Variants in KPNA7 observed in about 807,000 individuals in gnomAD.
KPNA7 encodes the protein importin subunit alpha-8.
Under a neutral mutation model 53.7 loss-of-function variants are expected in KPNA7, and 54 were observed. That is an observed-to-expected ratio of 1.01 (90% confidence interval 0.81 to 1.26). The LOEUF (loss-of-function observed/expected upper bound fraction) is 1.26, where lower values mean the gene tolerates loss of function less well. Among genes scored for constraint, KPNA7 ranks in the 50% most tolerant of loss-of-function variants. The probability of loss-of-function intolerance (pLI) is 0.00; values close to 1 mark genes in which losing one functional copy is unlikely to be tolerated. For synonymous variants in KPNA7, 276 were observed against 259.3 expected, an observed-to-expected ratio of 1.06 and a Z score of -0.62; for missense variants, 640 against 644.5, an observed-to-expected ratio of 0.99 and a Z score of 0.07.
the KPNA7 span, among the ~76,000 whole-genome samples, chr7:99,160,689 G>A: frequency 6.6e-6 from 1 of 152,054 alleles, no homozygotes; most frequent in Non-Finnish European, 1.5e-5. Context: ...AGTGGCCCTA[G>A]GTTATCATTT....
the KPNA7 span, among the ~76,000 whole-genome samples, chr7:99,155,830 G>T: frequency 6.6e-6 from 1 of 151,794 alleles, no homozygotes; most frequent in Non-Finnish European, 1.5e-5. Context: ...CTCCCAAAGT[G>T]CTGGGATTAC....
At chr7:99,212,745 T>A (rs542637420), upstream of KPNA7, among the ~76,000 whole-genome samples, 4 of 151,664 alleles carry the variant, frequency 2.6e-5, no homozygotes, top group South Asian at 8.4e-4. Flanking sequence ...ATTAAAAAAA[T>A]TAAAAATTAA....
chr7:99,183,252 C>CAATAAT (rs150596822), intron 8 of KPNA7, among the ~76,000 whole-genome samples: 1 of 151,638 alleles, frequency 6.6e-6, no homozygotes, highest in African/African-American at 2.4e-5. Flanking sequence ...ACTCCATCTC[C>CAATAAT]AATAATAATA....
At chr7:99,181,052 TCC>T (rs372449512) in intron 9 of KPNA7, among the ~76,000 whole-genome samples, 1 of 50,064 alleles carries the variant, frequency 2.0e-5, no homozygotes, top group Non-Finnish European at 4.2e-5. Context: ...TCTCTCTCTC[TCC>T]GTCTGTGTCT....
chr7:99,156,676 C>G, the KPNA7 span, among the ~76,000 whole-genome samples: 4 of 152,028 alleles, frequency 2.6e-5, no homozygotes, highest in South Asian at 2.1e-4. Context: ...AGGTGCCCAC[C>G]ACCACACCCA....
chr7:99,146,979 T>C, the KPNA7 span, among the ~76,000 whole-genome samples: 1 of 152,190 alleles, frequency 6.6e-6, no homozygotes, highest in Admixed American at 6.5e-5. Context: ...CAAAAAATCG[T>C]AAGTCAAACC....
intron 3 of KPNA7, among the ~76,000 whole-genome samples, chr7:99,201,747 C>T (rs769868766): frequency 2.0e-4 from 31 of 151,748 alleles, no homozygotes; most frequent in Admixed American, 1.1e-3. Context: ...CACTCTGTCA[C>T]CCATGGGTTG....
chr7:99,168,749 C>T (rs778484725), downstream of KPNA7, among the ~76,000 whole-genome samples: 79 of 152,312 alleles, frequency 5.2e-4, no homozygotes, highest in Non-Finnish European at 1.0e-3. Flanking sequence ...TCTTCCACCT[C>T]GGTCTCCTGA....
the KPNA7 span, among the ~76,000 whole-genome samples, chr7:99,160,023 T>G: frequency 9.0e-4 from 68 of 75,356 alleles, no homozygotes; most frequent in East Asian, 0.027. Flanking sequence ...TTTTGTTTTT[T>G]TTTTTTTTTT....
chr7:99,187,824 A>ATT (rs1563075239), intron 7 of KPNA7, among the ~76,000 whole-genome samples: 1,556 of 140,398 alleles, frequency 0.011, 52 homozygotes, highest in African/African-American at 0.038. Context: ...AAAAAAAAAA[A>ATT]AAAAAAAAAA....
intron 6 of KPNA7, among the ~76,000 whole-genome samples, 185 bp from the exon 7 acceptor site, chr7:99,188,748 G>A (rs1789774206): frequency 6.6e-6 from 1 of 152,144 alleles, no homozygotes; most frequent in Admixed American, 6.6e-5. Flanking sequence ...TGCAATCTTG[G>A]CTCACTGCAA....
intron 9 of KPNA7, 116 bp from the exon 10 acceptor site, chr7:99,178,182 C>G: frequency 1.2e-6 from 1 of 847,374 alleles, no homozygotes; most frequent in East Asian, 2.7e-5. Context: ...GCTACCATTC[C>G]AGAATGGATA....
At chr7:99,194,988 T>C in intron 5 of KPNA7, 82 bp downstream of exon 5, 1 of 1,432,952 alleles carries the variant, frequency 7.0e-7, no homozygotes, top group Non-Finnish European at 9.4e-7. Context: ...GGACATCGAG[T>C]ATACCCCACC....
chr7:99,202,892 T>C (rs1180050317), intron 3 of KPNA7, among the ~76,000 whole-genome samples: 1 of 152,056 alleles, frequency 6.6e-6, no homozygotes, highest in African/African-American at 2.4e-5. Flanking sequence ...CATCCCCCAC[T>C]AGAATCTAGA....
At chr7:99,188,662 T>C (rs1162401312) in intron 6 of KPNA7, 99 bp from the exon 7 acceptor site, 9 of 1,224,094 alleles carry the variant, frequency 7.4e-6, no homozygotes, top group South Asian at 4.5e-5. Flanking sequence ...TAGATCAGCA[T>C]GAACCAGAGC....
At chr7:99,163,325 A>C in the KPNA7 span, among the ~76,000 whole-genome samples, 2 of 143,366 alleles carry the variant, frequency 1.4e-5, no homozygotes, top group Non-Finnish European at 3.0e-5. Context: ...TATAATATAC[A>C]TATTTTATAT....
the KPNA7 span, among the ~76,000 whole-genome samples, chr7:99,155,073 A>G: frequency 6.6e-6 from 1 of 152,178 alleles, no homozygotes; most frequent in Admixed American, 6.5e-5. Flanking sequence ...ATGCACATAT[A>G]TTTATTGATT....
At chr7:99,167,700 C>T in the KPNA7 span, among the ~76,000 whole-genome samples, 4 of 135,382 alleles carry the variant, frequency 3.0e-5, no homozygotes, top group Non-Finnish European at 6.1e-5. Flanking sequence ...AGGCTGGTCT[C>T]GAATTCCTGA....
chr7:99,182,617 G>C (rs746489938), intron 8 of KPNA7, among the ~76,000 whole-genome samples: 1 of 152,062 alleles, frequency 6.6e-6, no homozygotes, highest in Non-Finnish European at 1.5e-5. Context: ...TTATAGGCAT[G>C]AACCCCCTGC....
Sources: allele counts gnomAD v4.1 joint callset (sites outside exome capture counted in the v4.1 genomes callset), GRCh38; gene constraint gnomAD v4.1.1; transcripts MANE v1.5; gene names NCBI Gene and HGNC (gene_info 2026-07-23, HGNC 2026-07-21).